SLC44A5: variants seen among roughly 807,000 people sequenced by gnomAD.
SLC44A5 encodes solute carrier family 44 member 5, also known as choline transporter-like protein 5.
SLC44A5 carries 57 observed loss-of-function variants against 101.8 expected under a neutral mutation model. The ratio of observed to expected loss-of-function variants is 0.56; its 90% CI spans 0.45 to 0.70. The LOEUF is 0.70. Among genes scored for constraint, SLC44A5 ranks in the 30% least tolerant of loss-of-function variants. SLC44A5 has a pLI of 0.00. For synonymous variants in SLC44A5, 281 were observed against 290.9 expected (o/e 0.97, Z 0.35); for missense variants, 737 against 853.1 (o/e 0.86, Z 1.70).
intron 5 of SLC44A5, among the ~76,000 whole-genome samples, chr1:75,292,487 A>C (rs1653637656): frequency 6.6e-6 from 1 of 152,224 alleles, no homozygotes; most frequent in African/African-American, 2.4e-5. Context: ...ACAAACATTA[A>C]CTGAAGGAAA....
intron 13 of SLC44A5, among the ~76,000 whole-genome samples, chr1:75,224,904 AG>A (rs945200702): frequency 2.6e-5 from 4 of 152,166 alleles, no homozygotes; most frequent in African/African-American, 9.6e-5. Flanking sequence ...TTATTATAAA[AG>A]TCAAAAAGTT....
At chr1:75,299,455 A>T (rs915304566) in intron 5 of SLC44A5, among the ~76,000 whole-genome samples, 1 of 152,174 alleles carries the variant, frequency 6.6e-6, no homozygotes, top group Non-Finnish European at 1.5e-5. Context: ...AATGTTTTTC[A>T]TTGTTCTCCA....
At chr1:75,260,270 T>C (rs757226681) in intron 6 of SLC44A5, among the ~76,000 whole-genome samples, 2 of 152,162 alleles carry the variant, frequency 1.3e-5, no homozygotes, top group African/African-American at 2.4e-5. Flanking sequence ...GTGTGCTATA[T>C]TCAGGAGACC....
chr1:75,211,990 G>A (rs1646867801), intron 22 of SLC44A5, among the ~76,000 whole-genome samples: 1 of 151,218 alleles, frequency 6.6e-6, no homozygotes, highest in South Asian at 2.1e-4. Flanking sequence ...TATAAGAGGT[G>A]TTCCAGATAA....
At chr1:75,675,488 C>T in the SLC44A5 span, among the ~76,000 whole-genome samples, 1 of 152,066 alleles carries the variant, frequency 6.6e-6, no homozygotes, top group Non-Finnish European at 1.5e-5. Context: ...GTTGAAGTTG[C>T]TTATCAGCTT....
intron 2 of SLC44A5, among the ~76,000 whole-genome samples, chr1:75,488,673 A>G (rs2101803363): frequency 6.6e-6 from 1 of 152,230 alleles, no homozygotes; most frequent in East Asian, 1.9e-4. Context: ...AAATACTTGA[A>G]CTTTAATTAT....
chr1:75,242,084 A>G, intron 8 of SLC44A5, 23 bp from the exon 9 acceptor site: 1 of 1,599,942 alleles, frequency 6.3e-7, no homozygotes, highest in Non-Finnish European at 8.6e-7. Context: ...GAAGAACGTT[A>G]ACATTTCAAA....
the SLC44A5 span, among the ~76,000 whole-genome samples, chr1:75,700,328 A>C: frequency 6.6e-6 from 1 of 152,218 alleles, no homozygotes; most frequent in East Asian, 1.9e-4. Context: ...AGTGCAATCA[A>C]ACTAGAACTC....
the SLC44A5 span, among the ~76,000 whole-genome samples, chr1:75,632,917 G>A: frequency 2.4e-4 from 37 of 152,230 alleles, 1 homozygote; most frequent in Admixed American, 2.2e-3. Context: ...AACAGTTCCC[G>A]AAAACAGCAA....
chr1:75,431,620 G>T (rs1664616616), intron 2 of SLC44A5, among the ~76,000 whole-genome samples: 3 of 152,096 alleles, frequency 2.0e-5, no homozygotes, highest in Admixed American at 2.0e-4. Flanking sequence ...GGAGGAGTGG[G>T]TTTTTGTTTT....
chr1:75,637,428 A>G, the SLC44A5 span, among the ~76,000 whole-genome samples: 7 of 152,186 alleles, frequency 4.6e-5, no homozygotes, highest in African/African-American at 1.7e-4. Context: ...CAAAAATTGC[A>G]CTTACATTAA....
chr1:75,213,390 C>T (rs1005457623), intron 22 of SLC44A5, among the ~76,000 whole-genome samples: 7 of 152,198 alleles, frequency 4.6e-5, no homozygotes, highest in Non-Finnish European at 7.4e-5. Context: ...ATTCATTTGC[C>T]GAAGCCCTAA....
At chr1:75,696,316 C>A in the SLC44A5 span, among the ~76,000 whole-genome samples, 4 of 152,242 alleles carry the variant, frequency 2.6e-5, no homozygotes, top group African/African-American at 9.6e-5. Flanking sequence ...CACACGACCA[C>A]ACTCCTAAGG....
At chr1:75,283,936 T>C (rs1652827567) in intron 5 of SLC44A5, among the ~76,000 whole-genome samples, 1 of 152,168 alleles carries the variant, frequency 6.6e-6, no homozygotes, top group South Asian at 2.1e-4. Flanking sequence ...ATGTGATCTG[T>C]GATCCCTTCA....
At chr1:75,569,348 C>G (rs1672954148) in intron 1 of SLC44A5, among the ~76,000 whole-genome samples, 1 of 150,340 alleles carries the variant, frequency 6.7e-6, no homozygotes, top group Non-Finnish European at 1.5e-5. Flanking sequence ...TCAGGTGATC[C>G]TCCCACCTCA....
Position 75,578,442 on chromosome 1 carries a change from A to G in SLC44A5, c.-70+32598T>C, listed in dbSNP as rs184190923. On this transcript the variant is annotated intron_variant, in intron 1 of 23. Coordinates refer to ENST00000370859, the MANE Select transcript of SLC44A5 (RefSeq NM_001130058.2). The stretch of plus-strand genomic sequence containing the variant: ...AGACAGATGATTGATAGATAGATAG[A>G]TAGACATAAAATAGAATACTATTCA... Among the ~76,000 whole-genome samples, 3 of 152,334 alleles carry G rather than the reference A, an allele frequency of 2.0e-5. No individual in the cohort carries two copies. In the East Asian group the frequency reaches 5.8e-4, roughly 29 times the overall value.
chr1:75,396,165 A>T (rs1365618004), intron 3 of SLC44A5, among the ~76,000 whole-genome samples: 1 of 152,154 alleles, frequency 6.6e-6, no homozygotes, highest in Non-Finnish European at 1.5e-5. Flanking sequence ...CTGACTAAGG[A>T]GAGAGCCGGC....
chr1:75,465,407 G>C (rs1666760382), intron 2 of SLC44A5, among the ~76,000 whole-genome samples: 1 of 151,860 alleles, frequency 6.6e-6, no homozygotes, highest in South Asian at 2.1e-4. Context: ...AGCAAAAGCA[G>C]TACTCATACA....
rs536733444 is a variant in SLC44A5, at chr1:75,267,995, G to A, written c.260+6963C>T. Among the ~76,000 whole-genome samples the A allele has an allele frequency of 8.7e-4, 132 of 152,246 alleles. 1 individual carries two copies. The South Asian group carries it at 0.025, about 29-fold the overall frequency. On this transcript the variant is annotated intron_variant, in intron 6 of 23. Transcript: ENST00000370859. ...TCTTTTTAAAATGTTAAATGGATTC[G>A]GTCACTCTTGTTGGAACACCTTTCT...
Sources: gnomAD v4.1 joint callset for allele counts (sites outside exome capture counted in the v4.1 genomes callset) on GRCh38, gnomAD v4.1.1 for gene constraint, MANE v1.5 for transcripts, NCBI Gene and HGNC (gene_info 2026-07-23, HGNC 2026-07-21) for gene names.